GPC6: variants seen among roughly 807,000 people sequenced by gnomAD.
GPC6 encodes glypican-6.
GPC6 carries 14 observed loss-of-function variants against 55.2 expected under a neutral mutation model. The observed-to-expected ratio is 0.25, with a 90% CI of 0.17 to 0.40. GPC6 has a LOEUF of 0.40. Among genes scored for constraint, GPC6 ranks in the 10% least tolerant of loss-of-function variants. The pLI, the probability that GPC6 is intolerant of heterozygous loss-of-function variation, is 1.00. For missense variants in GPC6, 641 were observed against 708.5 expected, an observed-to-expected ratio of 0.90 and a Z score of 1.08; for synonymous variants, 278 against 259.6, an observed-to-expected ratio of 1.07 and a Z score of -0.68.
chr13:94,290,367 G>A (rs771020197), intron 5 of GPC6, among the ~76,000 whole-genome samples: 3 of 147,462 alleles, frequency 2.0e-5, no homozygotes, highest in Non-Finnish European at 4.4e-5. Flanking sequence ...GCTACAGTGA[G>A]CTATGATTAT....
At chr13:93,324,587 C>CATATATATATATACACACATACATACAT (rs1879578202) in intron 1 of GPC6, among the ~76,000 whole-genome samples, 1 of 122,886 alleles carries the variant, frequency 8.1e-6, no homozygotes, top group African/African-American at 2.8e-5. Context: ...CACATACATA[C>CATATATATATATACACACATACATACAT]ATATATATAT....
chr13:94,386,251 T>C (rs1880400674), intron 7 of GPC6, among the ~76,000 whole-genome samples: 1 of 151,762 alleles, frequency 6.6e-6, no homozygotes, highest in African/African-American at 2.4e-5. Flanking sequence ...TCCCAGCTAC[T>C]CGGGAGGCTG....
chr13:93,587,862 GA>G, intron 2 of GPC6, among the ~76,000 whole-genome samples: 1 of 152,132 alleles, frequency 6.6e-6, no homozygotes. Context: ...AATGCGTTTC[GA>G]AATTTAAAAT....
chr13:93,886,939 C>T (rs982259352), intron 3 of GPC6, among the ~76,000 whole-genome samples: 9 of 151,870 alleles, frequency 5.9e-5, no homozygotes, highest in African/African-American at 2.2e-4. Context: ...ATGCGTCTAA[C>T]TGGACCTACT....
chr13:94,105,352 AGC>A (rs1886015825), intron 4 of GPC6, among the ~76,000 whole-genome samples: 1 of 151,888 alleles, frequency 6.6e-6, no homozygotes, highest in Non-Finnish European at 1.5e-5. Flanking sequence ...GAGCAAATAG[AGC>A]AAAATATCCT....
At chr13:93,334,726 C>T (rs1402107905) in intron 1 of GPC6, among the ~76,000 whole-genome samples, 6 of 152,194 alleles carry the variant, frequency 3.9e-5, no homozygotes, top group African/African-American at 1.4e-4. Context: ...CTCAGCCTCC[C>T]AAAGTGTTGC....
chr13:94,387,887 G>A (rs538393816), intron 7 of GPC6, among the ~76,000 whole-genome samples: 2 of 152,258 alleles, frequency 1.3e-5, no homozygotes, highest in East Asian at 3.9e-4. Flanking sequence ...AGAAATAAAT[G>A]TGCATTGTTT....
At chr13:94,029,450 A>G (rs1290522133) in intron 4 of GPC6, among the ~76,000 whole-genome samples, 1 of 152,238 alleles carries the variant, frequency 6.6e-6, no homozygotes, top group African/African-American at 2.4e-5. Flanking sequence ...AATTTTTAAA[A>G]ATAAACTTGA....
intron 2 of GPC6, among the ~76,000 whole-genome samples, chr13:93,639,909 A>G (rs2139583833): frequency 6.6e-6 from 1 of 152,224 alleles, no homozygotes; most frequent in East Asian, 1.9e-4. Flanking sequence ...AGAATTAACA[A>G]TGTCTGTAGC....
chr13:94,048,043 A>G (rs1883794945), intron 4 of GPC6, among the ~76,000 whole-genome samples: 1 of 151,674 alleles, frequency 6.6e-6, no homozygotes, highest in South Asian at 2.1e-4. Context: ...AAAAAAAAAT[A>G]ACTCATGGTA....
intron 1 of GPC6, among the ~76,000 whole-genome samples, chr13:93,408,907 G>A (rs1195866995): frequency 6.6e-6 from 1 of 152,048 alleles, no homozygotes; most frequent in Non-Finnish European, 1.5e-5. Flanking sequence ...AAAAATCCCA[G>A]CCTATGCAAT....
chr13:93,872,185 A>G (rs1315112429), intron 3 of GPC6, among the ~76,000 whole-genome samples: 1 of 151,936 alleles, frequency 6.6e-6, no homozygotes, highest in Non-Finnish European at 1.5e-5. Context: ...CTTCCTGAAG[A>G]TGTTTTGAGG....
intron 4 of GPC6, among the ~76,000 whole-genome samples, chr13:94,277,206 CAT>C (rs763803699): frequency 7.2e-5 from 11 of 151,730 alleles, no homozygotes; most frequent in Non-Finnish European, 1.0e-4. Flanking sequence ...AGCTTTTTTT[CAT>C]ATGTTTGTTG....
chr13:94,137,562 T>C (rs1348754928), intron 4 of GPC6, among the ~76,000 whole-genome samples: 1 of 152,174 alleles, frequency 6.6e-6, no homozygotes, highest in Non-Finnish European at 1.5e-5. Flanking sequence ...AGATGCTTAT[T>C]TTTTGTTGTT....
intron 4 of GPC6, among the ~76,000 whole-genome samples, chr13:94,245,140 C>T (rs1215872823): frequency 1.3e-5 from 2 of 152,048 alleles, no homozygotes; most frequent in Non-Finnish European, 1.5e-5. Flanking sequence ...ATATTTGCTA[C>T]TTTGTATCCT....
At chr13:94,025,179 GTAGAAATACCT>G (rs1882847512) in intron 3 of GPC6, among the ~76,000 whole-genome samples, 1 of 152,082 alleles carries the variant, frequency 6.6e-6, no homozygotes, top group Non-Finnish European at 1.5e-5. Flanking sequence ...AGATTCAAAC[GTAGAAATACCT>G]TAGTTAGCCC....
intron 1 of GPC6, among the ~76,000 whole-genome samples, chr13:93,496,594 G>A (rs1347249981): frequency 6.6e-6 from 1 of 152,174 alleles, no homozygotes; most frequent in Non-Finnish European, 1.5e-5. Context: ...TTTAAAGCCT[G>A]GGGTTTACAT....
chr13:93,321,771 T>A (rs995234108), intron 1 of GPC6, among the ~76,000 whole-genome samples: 2 of 152,190 alleles, frequency 1.3e-5, no homozygotes, highest in African/African-American at 4.8e-5. Context: ...GCTCCATATC[T>A]GTGAGCAGAC....
chr13:93,634,525 T>G (rs1039883438), intron 2 of GPC6, among the ~76,000 whole-genome samples: 11 of 152,242 alleles, frequency 7.2e-5, no homozygotes, highest in African/African-American at 2.7e-4. Context: ...TTTATTTTTC[T>G]TCTTTAACAA....
Sources: allele counts gnomAD v4.1 joint callset (sites outside exome capture counted in the v4.1 genomes callset), GRCh38; gene constraint gnomAD v4.1.1; transcripts MANE v1.5; gene names NCBI Gene and HGNC (gene_info 2026-07-23, HGNC 2026-07-21).